Variants in UBAC2 observed in about 807,000 individuals in gnomAD.
The protein encoded by UBAC2 is ubiquitin-associated domain-containing protein 2.
A neutral mutation model predicts 44.0 loss-of-function variants in UBAC2; 26 were observed. The ratio of observed to expected loss-of-function variants is 0.59; its 90% CI spans 0.43 to 0.82. The LOEUF is 0.82. UBAC2 is among the 40% of genes least tolerant of loss of function. The pLI, the probability that UBAC2 is intolerant of heterozygous loss-of-function variation, is 0.00. For synonymous variants in UBAC2, 155 were observed against 154.3 expected (o/e 1.00, Z -0.04); for missense variants, 329 against 419.4 (o/e 0.78, Z 1.88).
At chr13:99,373,171 GTTTT>G (rs58290528) in intron 8 of UBAC2, among the ~76,000 whole-genome samples, 1,886 of 140,016 alleles carry the variant, frequency 0.013, 18 homozygotes, top group African/African-American at 0.028. Context: ...CTTTTTTATT[GTTTT>G]TTTTTTTTTT....
chr13:99,299,496 A>C lies in UBAC2; in HGVS notation c.390-14601A>C, dbSNP rs181627977. ...CACACAGAAAGATGTCTGTATGCCA[A>C]AACATAATTTTGTATGAGTAATTTT... On this transcript the variant is annotated intron_variant, in intron 4 of 8. Coordinates refer to ENST00000403766, the MANE Select transcript of UBAC2 (RefSeq NM_001144072.2). 3.9e-5 allele frequency among the ~76,000 whole-genome samples: 6 copies of C among 152,302 alleles called. No individual in the cohort carries two copies. In the East Asian group the frequency reaches 1.2e-3, roughly 29 times the overall value.
intron 4 of UBAC2, among the ~76,000 whole-genome samples, chr13:99,260,118 G>C (rs2043637992): frequency 6.6e-6 from 1 of 152,160 alleles, no homozygotes; most frequent in African/African-American, 2.4e-5. Flanking sequence ...ATGGCCTGCT[G>C]CTCTTTGTTC....
intron 3 of UBAC2, 139 bp from the exon 4 acceptor site, chr13:99,244,376 T>TACACACATATGCATGTGTGTATATAC: frequency 1.1e-5 from 6 of 561,562 alleles, no homozygotes; most frequent in Non-Finnish European, 1.9e-5. Flanking sequence ...CAAATATATA[T>TACACACATATGCATGTGTGTATATAC]ACACACATAT....
chr13:99,220,776 A>G (rs1228369096), intron 1 of UBAC2, among the ~76,000 whole-genome samples: 2 of 152,088 alleles, frequency 1.3e-5, no homozygotes, highest in Non-Finnish European at 2.9e-5. Context: ...GAAGATTACT[A>G]GTGACTTGCC....
chr13:99,351,605 C>A, intron 7 of UBAC2: 1 of 456,728 alleles, frequency 2.2e-6, no homozygotes, highest in Non-Finnish European at 4.4e-6. Flanking sequence ...GGGAGCCAAT[C>A]CTCTCTCTGT....
chr13:99,295,342 CAT>C lies in UBAC2; in HGVS notation c.390-18752_390-18751del. The C allele has an allele frequency of 6.2e-7, 1 of 1,614,114 alleles. No homozygotes were observed. The highest frequency in any genetic ancestry group is 8.5e-7 in the Non-Finnish European group (1 of 1,179,996). The stretch of plus-strand genomic sequence containing the variant: ...AATTAGAGAAACGAAGCTTCTTAAT[CAT>C]ATGTTGAATAATTGCAACATGGTAA... On this transcript the variant is annotated intron_variant, in intron 4 of 8. Transcript: ENST00000403766. The surrounding 1 kb of genome is among the most constrained non-coding windows in gnomAD (Gnocchi z 4.1).
At chr13:99,207,835 A>G (rs1194444431) in intron 1 of UBAC2, among the ~76,000 whole-genome samples, 1 of 152,136 alleles carries the variant, frequency 6.6e-6, no homozygotes, top group Non-Finnish European at 1.5e-5. Context: ...TGTCCCCTGC[A>G]TACTGCTAAA....
intron 6 of UBAC2, 54 bp from the exon 7 acceptor site, chr13:99,340,266 A>G: frequency 1.9e-6 from 3 of 1,592,642 alleles, no homozygotes; most frequent in South Asian, 2.3e-5. Context: ...AGTCGTGTAC[A>G]TTTTTTAAAA....
At chr13:99,219,806 A>T (rs1343089396) in intron 1 of UBAC2, among the ~76,000 whole-genome samples, 1 of 152,238 alleles carries the variant, frequency 6.6e-6, no homozygotes, top group African/African-American at 2.4e-5. Flanking sequence ...ATATAAGTGG[A>T]GTCATATAGT....
intron 1 of UBAC2, among the ~76,000 whole-genome samples, chr13:99,220,585 T>C (rs987037428): frequency 1.3e-5 from 2 of 152,192 alleles, no homozygotes; most frequent in Admixed American, 1.3e-4. Context: ...GCCAGAGAGG[T>C]ATTTTGCATT....
At chr13:99,274,583 T>A (rs2043858711) in intron 4 of UBAC2, among the ~76,000 whole-genome samples, 1 of 152,162 alleles carries the variant, frequency 6.6e-6, no homozygotes. Flanking sequence ...GCCTTGGCCT[T>A]CCAAAGTGTT....
chr13:99,238,064 GT>G (rs1439619068), intron 1 of UBAC2, among the ~76,000 whole-genome samples: 1 of 152,194 alleles, frequency 6.6e-6, no homozygotes, highest in Non-Finnish European at 1.5e-5. Flanking sequence ...ATATGTATGA[GT>G]TTTGTGCATG....
intron 8 of UBAC2, among the ~76,000 whole-genome samples, chr13:99,369,217 A>G (rs2045373504): frequency 6.6e-6 from 1 of 152,224 alleles, no homozygotes. Flanking sequence ...AATGATCAAT[A>G]TATGAAGACT....
chr13:99,353,327 G>A (rs2045124816), intron 7 of UBAC2, among the ~76,000 whole-genome samples: 1 of 152,346 alleles, frequency 6.6e-6, no homozygotes, highest in South Asian at 2.1e-4. Context: ...TGTGTTTCCA[G>A]TGCTTTTGTA....
intron 2 of UBAC2, 61 bp from the exon 3 acceptor site, chr13:99,243,771 A>G (rs963065162): frequency 3.3e-6 from 5 of 1,493,630 alleles, no homozygotes; most frequent in Non-Finnish European, 4.5e-6. Flanking sequence ...CAAATTTGCT[A>G]AGGAAGAGAC....
chr13:99,326,845 A>G (rs1013154896), intron 6 of UBAC2, among the ~76,000 whole-genome samples: 3 of 152,146 alleles, frequency 2.0e-5, no homozygotes, highest in Admixed American at 2.0e-4. Context: ...TCCCTTAGCC[A>G]CACCACTAGG....
rs189466508 is a variant in UBAC2, at chr13:99,286,483, T to A, written c.390-27614T>A. Among the ~76,000 whole-genome samples the A allele has an allele frequency of 2.0e-4, 31 of 152,270 alleles. No homozygotes were observed. In the South Asian group the frequency reaches 3.1e-3, roughly 15 times the overall value. The stretch of plus-strand genomic sequence containing the variant: ...ATCTCTTATTAGGACTTCTTTTTTT[T>A]AATATTTATTTATTTTTAATTTTTT... On this transcript the variant is annotated intron_variant, in intron 4 of 8. Transcript: ENST00000403766.
intron 4 of UBAC2, among the ~76,000 whole-genome samples, chr13:99,261,056 A>G (rs1404859886): frequency 6.6e-6 from 1 of 152,238 alleles, no homozygotes; most frequent in Non-Finnish European, 1.5e-5. Context: ...ATATGCTTCT[A>G]TGTTAGACAT....
Position 99,368,017 on chromosome 13 carries a change from A to T in UBAC2, c.927+111A>T, listed in dbSNP as rs550812460. ...CAAGCGTGTAAATACAAAGATGGTG[A>T]CAGCAGTCCATCTGCCACCATGATA... On this transcript the variant is annotated intron_variant, in intron 8 of 8. Coordinates refer to ENST00000403766, the MANE Select transcript of UBAC2 (RefSeq NM_001144072.2). 5.7e-4 allele frequency: 754 copies of T among 1,324,836 alleles called. 6 individuals are homozygous for T. In the Middle Eastern group the frequency reaches 0.018, roughly 32 times the overall value. The allele number at this position is 1,324,836 out of a possible 1,614,324, so 82.1% of individuals were successfully genotyped here.
Sources: gnomAD v4.1 joint callset for allele counts (sites outside exome capture counted in the v4.1 genomes callset) on GRCh38, gnomAD v4.1.1 for gene constraint, Gnocchi (gnomAD v3.1) non-coding constraint, MANE v1.5 for transcripts, NCBI Gene and HGNC (gene_info 2026-07-23, HGNC 2026-07-21) for gene names.